Variants in NEB observed in about 807,000 individuals in gnomAD.
NEB encodes the protein nebulin.
Under a neutral mutation model 952.2 loss-of-function variants are expected in NEB, and 512 were observed. That is an observed-to-expected ratio of 0.54 (90% CI 0.50 to 0.58). The LOEUF (loss-of-function observed/expected upper bound fraction) is 0.58. Ranked by LOEUF, NEB falls within the 20% of genes least tolerant of loss-of-function variation. The pLI, the probability that NEB is intolerant of heterozygous loss-of-function variation, is 0.00. For missense variants in NEB, 8,428 were observed against 9,231.1 expected, an observed-to-expected ratio of 0.91 and a Z score of 3.56; for synonymous variants, 2,900 against 3,149.8, an observed-to-expected ratio of 0.92 and a Z score of 2.66.
intron 74 of NEB, among the ~76,000 whole-genome samples, chr2:151,617,914 G>A (rs2098258502): frequency 6.6e-6 from 1 of 152,028 alleles, no homozygotes; most frequent in African/African-American, 2.4e-5. Flanking sequence ...ACAAAAATTT[G>A]CTGGGTGTGG....
chr2:151,497,845 C>CGACT, intron 170 of NEB, 127 bp from the exon 171 acceptor site: 1 of 1,518,544 alleles, frequency 6.6e-7, no homozygotes, highest in Non-Finnish European at 8.8e-7. Context: ...AAAATGCCAC[C>CGACT]GACTACTTTA....
At chr2:151,491,619 A>G (rs2056703746) in intron 179 of NEB, 64 bp downstream of exon 179, 31 of 1,318,260 alleles carry the variant, frequency 2.4e-5, no homozygotes, top group Non-Finnish European at 3.3e-5. Flanking sequence ...CCCAAATGAA[A>G]GTCATTGACT....
At chr2:151,610,717 T>C in intron 79 of NEB, 45 bp downstream of exon 79, 1 of 1,587,092 alleles carries the variant, frequency 6.3e-7, no homozygotes. Context: ...GGAAAAAGCA[T>C]TTTAATTAAT....
chr2:151,654,170 G>T, intron 51 of NEB, 71 bp from the exon 52 acceptor site: 2 of 890,884 alleles, frequency 2.2e-6, no homozygotes, highest in Non-Finnish European at 3.3e-6. Context: ...TTAGGGAAAA[G>T]TTTACCTACA....
chr2:151,591,894 C>G lies in NEB; in HGVS notation c.14826+140G>C, dbSNP rs2097289165. Reference sequence around the variant, plus strand: ...CACAGACACACGCAGACCCACACAGCTACTTATCATTAACTTAAAGACTAG... The same window carrying G: ...CACAGACACACGCAGACCCACACAGGTACTTATCATTAACTTAAAGACTAG... On this transcript the variant is annotated intron_variant, in intron 95 of 181. Coordinates refer to ENST00000397345, the MANE Select transcript of NEB (RefSeq NM_001164508.2). 2.2e-6 allele frequency: 3 copies of G among 1,357,868 alleles called. No individual in the cohort carries two copies. In the African/African-American group the frequency reaches 4.3e-5, roughly 19 times the overall value. The allele number at this position is 1,357,868 out of a possible 1,614,324, so 84.1% of individuals were successfully genotyped here.
At position 151,563,675 on chromosome 2, in the gene NEB, C is replaced by A. The variant is rs1234623857; in HGVS notation, c.18624G>T (p.Leu6208=). ...GGAATTCACCGATCACTTTTCCAGC[C>A]AGGTAGTGACCTTTCTGCTTCTCAT... The part of the protein sequence containing the change: ...ETYEKQKGHY[L]AGKVIGEFPG... Residue 6208 remains leucine (L), a synonymous_variant, in exon 119 of 182, where the codon CTG becomes CTT. Coordinates refer to ENST00000397345, the MANE Select transcript of NEB (RefSeq NM_001164508.2). 4 of 1,613,880 alleles carry A rather than the reference C, an allele frequency of 2.5e-6. No homozygotes were observed. The East Asian group carries it at 8.9e-5, about 36-fold the overall frequency.
chr2:151,698,232 C>T (rs895338303), intron 13 of NEB, among the ~76,000 whole-genome samples: 4 of 152,012 alleles, frequency 2.6e-5, no homozygotes, highest in Non-Finnish European at 1.5e-5. Context: ...TTTGTAACAG[C>T]TTTATTGAGA....
chr2:151,723,750 GTTTTTTT>G (rs11308757), intron 8 of NEB, among the ~76,000 whole-genome samples: 19 of 51,368 alleles, frequency 3.7e-4, no homozygotes, highest in South Asian at 1.0e-3. Flanking sequence ...TGCCTTCTTT[GTTTTTTT>G]TTTTTTTTTT....
At chr2:151,536,693 G>T (rs2093266082) in intron 141 of NEB, among the ~76,000 whole-genome samples, 1 of 152,122 alleles carries the variant, frequency 6.6e-6, no homozygotes, top group South Asian at 2.1e-4. Context: ...AAGTTTGCTG[G>T]ATCCTATTGT....
intron 146 of NEB, among the ~76,000 whole-genome samples, chr2:151,528,970 C>T (rs1264624878): frequency 6.6e-6 from 1 of 152,226 alleles, no homozygotes; most frequent in Non-Finnish European, 1.5e-5. Context: ...ACCGCAAAAG[C>T]TGAGTGGGTG....
intron 170 of NEB, 144 bp downstream of exon 170, chr2:151,498,116 G>A: frequency 6.6e-7 from 1 of 1,507,254 alleles, no homozygotes; most frequent in Non-Finnish European, 8.9e-7. Flanking sequence ...CTGTATTATA[G>A]AAATGGGAAA....
intron 141 of NEB, among the ~76,000 whole-genome samples, chr2:151,536,852 A>T (rs1326779077): frequency 6.6e-6 from 1 of 152,226 alleles, no homozygotes; most frequent in Non-Finnish European, 1.5e-5. Flanking sequence ...CTTTAATAGG[A>T]GAAACCACCC....
chr2:151,570,007 GGTTA>G, intron 109 of NEB, 70 bp downstream of exon 109: 2 of 1,381,420 alleles, frequency 1.4e-6, no homozygotes, highest in Non-Finnish European at 2.0e-6. Flanking sequence ...TGACAGAAGG[GGTTA>G]GTGTCATAAA....
At position 151,631,135 on chromosome 2, in the gene NEB, G is replaced by T; in HGVS notation, c.9618+8C>A. On this transcript the variant is annotated splice_region_variant and intron_variant, in intron 66 of 181. Coordinates refer to ENST00000397345, the MANE Select transcript of NEB (RefSeq NM_001164508.2). ...ATCTTGGAGAAGCTTAAGGCAGCTA[G>T]GACTCACCTTATTCATGTTGAGAGC... 1 of 1,613,712 alleles carries T rather than the reference G, an allele frequency of 6.2e-7. No individual in the cohort carries two copies. The highest frequency in any genetic ancestry group is 8.5e-7 in the Non-Finnish European group (1 of 1,179,690).
intron 64 of NEB, 83 bp downstream of exon 64, chr2:151,636,144 G>T: frequency 1.7e-6 from 2 of 1,198,234 alleles, no homozygotes; most frequent in East Asian, 4.9e-5. Flanking sequence ...CAAAGGTCCA[G>T]GAAAAGTTCT....
intron 65 of NEB, 116 bp downstream of exon 65, chr2:151,633,538 A>T (rs1164380043): frequency 7.4e-7 from 1 of 1,355,906 alleles, no homozygotes; most frequent in Admixed American, 2.8e-5. Flanking sequence ...TCTGATTTAA[A>T]TCTTATTCAT....
intron 8 of NEB, among the ~76,000 whole-genome samples, chr2:151,723,750 G>GGTTT (rs1553685530): frequency 5.8e-5 from 3 of 51,358 alleles, no homozygotes; most frequent in East Asian, 7.5e-4. Context: ...TGCCTTCTTT[G>GGTTT]TTTTTTTTTT....
intron 23 of NEB, 42 bp downstream of exon 23, chr2:151,691,822 A>T: frequency 7.3e-7 from 1 of 1,362,566 alleles, no homozygotes; most frequent in Non-Finnish European, 1.0e-6. Context: ...ATGTCACAGG[A>T]ATCCCAAGCT....
chr2:151,627,862 TA>T (rs778838062), intron 68 of NEB, 28 bp from the exon 69 acceptor site: 15 of 1,597,714 alleles, frequency 9.4e-6, no homozygotes, highest in Non-Finnish European at 1.3e-5. Context: ...ATTTCAAAAA[TA>T]AAAATGAATA....
Sources: allele counts gnomAD v4.1 joint callset (sites outside exome capture counted in the v4.1 genomes callset), GRCh38; gene constraint gnomAD v4.1.1; transcripts MANE v1.5; gene names NCBI Gene and HGNC (gene_info 2026-07-23, HGNC 2026-07-21).